The following GBF1 variants were observed in gnomAD, a reference collection of about 807,000 sequenced individuals.
GBF1 encodes golgi brefeldin A resistant guanine nucleotide exchange factor 1.
A neutral mutation model predicts 210.5 loss-of-function variants in GBF1; 114 were observed. The observed-to-expected ratio is 0.54, with a 90% CI of 0.47 to 0.63. The LOEUF (loss-of-function observed/expected upper bound fraction) is 0.63. Among genes scored for constraint, GBF1 ranks in the 30% least tolerant of loss-of-function variants. GBF1 has a pLI of 0.00. For missense variants in GBF1, 1,851 were observed against 2,357.7 expected (o/e 0.79, Z 4.45); for synonymous variants, 850 against 889.2 (o/e 0.96, Z 0.78).
At chr10:102,353,003 C>G (rs1380290958) in intron 7 of GBF1, among the ~76,000 whole-genome samples, 1 of 152,140 alleles carries the variant, frequency 6.6e-6, no homozygotes, top group Non-Finnish European at 1.5e-5. Flanking sequence ...AGCCTAGGGC[C>G]TAGGAGGCCT....
the GBF1 span, chr10:102,231,844 C>T: frequency 6.3e-7 from 1 of 1,589,652 alleles, no homozygotes; most frequent in East Asian, 2.2e-5. Context: ...CGCATATTCT[C>T]CGGCTCGGGG....
chr10:102,364,315 A>G (rs1002298106), intron 17 of GBF1, among the ~76,000 whole-genome samples: 6 of 136,204 alleles, frequency 4.4e-5, no homozygotes, highest in African/African-American at 1.7e-4. Flanking sequence ...ACCTCCACCT[A>G]CCGGGTTCAA....
intron 3 of GBF1, among the ~76,000 whole-genome samples, chr10:102,309,486 G>A (rs2133956085): frequency 6.6e-6 from 1 of 152,364 alleles, no homozygotes; most frequent in South Asian, 2.1e-4. Flanking sequence ...ATCAGGGTCA[G>A]TCCCCAGAGG....
At chr10:102,249,839 A>G (rs2071285029) in intron 1 of GBF1, among the ~76,000 whole-genome samples, 2 of 151,686 alleles carry the variant, frequency 1.3e-5, no homozygotes, top group Non-Finnish European at 2.9e-5. Context: ...CTACAGGTGC[A>G]CGCCACCACA....
At chr10:102,237,111 T>C in the GBF1 span, among the ~76,000 whole-genome samples, 1 of 152,014 alleles carries the variant, frequency 6.6e-6, no homozygotes, top group African/African-American at 2.4e-5. Context: ...AAGTATTAGG[T>C]GTTAAGAGGG....
At chr10:102,351,055 C>G (rs1001657164) in intron 4 of GBF1, among the ~76,000 whole-genome samples, 1 of 150,908 alleles carries the variant, frequency 6.6e-6, no homozygotes, top group African/African-American at 2.4e-5. Flanking sequence ...TCATTGCACT[C>G]CAGCCTGGGC....
chr10:102,306,615 G>C (rs146848699), intron 3 of GBF1, among the ~76,000 whole-genome samples: 2,080 of 152,234 alleles, frequency 0.014, 19 homozygotes, highest in Non-Finnish European at 0.019. Flanking sequence ...GTAGAGACGG[G>C]GTTTTGCCAT....
chr10:102,273,183 A>G (rs930450937), intron 3 of GBF1, among the ~76,000 whole-genome samples: 3 of 152,136 alleles, frequency 2.0e-5, no homozygotes, highest in African/African-American at 7.2e-5. Flanking sequence ...TCTACTAAAA[A>G]TACAAAACTT....
At chr10:102,235,509 A>G in the GBF1 span, among the ~76,000 whole-genome samples, 8 of 152,180 alleles carry the variant, frequency 5.3e-5, no homozygotes, top group Non-Finnish European at 1.0e-4. Flanking sequence ...ACATTTCTTC[A>G]TCTCCGAAAG....
intron 3 of GBF1, among the ~76,000 whole-genome samples, chr10:102,330,158 G>A (rs1034130501): frequency 1.3e-5 from 2 of 151,828 alleles, no homozygotes; most frequent in African/African-American, 4.8e-5. Flanking sequence ...CAAACAAAAA[G>A]CCCCCTGTAC....
At chr10:102,235,186 C>CG in the GBF1 span, among the ~76,000 whole-genome samples, 2 of 144,630 alleles carry the variant, frequency 1.4e-5, no homozygotes, top group Non-Finnish European at 3.0e-5. Context: ...CCCACCCCCC[C>CG]ACCGCCTCCC....
chr10:102,235,172 A>ACCCCC, the GBF1 span, among the ~76,000 whole-genome samples: 2 of 77,240 alleles, frequency 2.6e-5, no homozygotes, highest in African/African-American at 1.1e-4. Flanking sequence ...CCCTTCCCCC[A>ACCCCC]CCCCCCACCC....
chr10:102,302,163 G>T (rs1479502532), intron 3 of GBF1, among the ~76,000 whole-genome samples: 2 of 152,250 alleles, frequency 1.3e-5, no homozygotes, highest in African/African-American at 4.8e-5. Context: ...CACTTGGCAG[G>T]CTGAGGCAGG....
chr10:102,376,475 C>A lies in GBF1; in HGVS notation c.4047+43C>A, dbSNP rs764041144. Reference sequence around the variant, plus strand: ...CAGCAATTGAGTCTCTCCTGCTTGACCTGTGGGAAGAATTCCTGGTCCTCT... The same window carrying A: ...CAGCAATTGAGTCTCTCCTGCTTGAACTGTGGGAAGAATTCCTGGTCCTCT... On this transcript the variant is annotated intron_variant, in intron 31 of 39. Coordinates refer to ENST00000369983, the MANE Select transcript of GBF1 (RefSeq NM_001377137.1). 3.7e-6 allele frequency: 6 copies of A among 1,612,010 alleles called. No individual in the cohort carries two copies. The South Asian group carries it at 5.5e-5, about 15-fold the overall frequency.
intron 1 of GBF1, among the ~76,000 whole-genome samples, chr10:102,256,678 C>T (rs1348807563): frequency 1.3e-5 from 2 of 152,016 alleles, no homozygotes; most frequent in Non-Finnish European, 2.9e-5. Flanking sequence ...CTCCACCACA[C>T]CTGCCCAATT....
chr10:102,381,324 G>A (rs112467990), intron 39 of GBF1, 69 bp downstream of exon 39: 9 of 1,533,554 alleles, frequency 5.9e-6, no homozygotes, highest in African/African-American at 5.5e-5. Context: ...AGGCCCAAGG[G>A]GGCGTGGGAA....
intron 3 of GBF1, among the ~76,000 whole-genome samples, chr10:102,308,231 C>T (rs943168822): frequency 6.8e-6 from 1 of 146,900 alleles, no homozygotes; most frequent in Non-Finnish European, 1.5e-5. Context: ...AGGAAACTGC[C>T]CAAATCTCCA....
Position 102,375,442 on chromosome 10 carries a change from T to C in GBF1, c.3744T>C (p.His1248=). 6.2e-7 allele frequency: 1 copy of C among 1,613,624 alleles called. No homozygotes were observed. The highest frequency in any genetic ancestry group is 8.5e-7 in the Non-Finnish European group (1 of 1,179,524). The part of the protein sequence containing the change: ...RVSHQVAYGL[H]ELLKTNAANI... ...GCCACCAGGTTGCGTATGGGCTCCA[T>C]GAACTCCTGAAGACCAATGCAGCCA... Residue 1248 remains histidine (H), a synonymous_variant, in exon 30 of 40, where the codon CAT becomes CAC. Coordinates refer to ENST00000369983, the MANE Select transcript of GBF1 (RefSeq NM_001377137.1).
chr10:102,335,410 A>T (rs1474554183), intron 3 of GBF1, among the ~76,000 whole-genome samples: 1 of 152,296 alleles, frequency 6.6e-6, no homozygotes, highest in East Asian at 1.9e-4. Flanking sequence ...TTGTGAAATT[A>T]TTCAGCCTGC....
Sources: gnomAD v4.1 joint callset for allele counts (sites outside exome capture counted in the v4.1 genomes callset) on GRCh38, gnomAD v4.1.1 for gene constraint, MANE v1.5 for transcripts, NCBI Gene and HGNC (gene_info 2026-07-23, HGNC 2026-07-21) for gene names.